The following AMPH variants were observed in gnomAD, a reference collection of about 807,000 sequenced individuals.
AMPH encodes the protein amphiphysin (Stiff-Mann syndrome with breast cancer 128kD autoantigen).
In AMPH, 49 loss-of-function variants were observed where a neutral mutation model predicts 99.1. The observed-to-expected ratio is 0.49, with a 90% confidence interval of 0.39 to 0.63. The LOEUF is 0.63. Among genes scored for constraint, AMPH ranks in the 20% least tolerant of loss-of-function variants. The pLI is 0.00. For missense variants in AMPH, 759 were observed against 863.4 expected, an observed-to-expected ratio of 0.88 and a Z score of 1.52; for synonymous variants, 314 against 317.3, an observed-to-expected ratio of 0.99 and a Z score of 0.11.
chr7:38,623,801 G>T (rs527456707), intron 1 of AMPH, among the ~76,000 whole-genome samples: 1 of 152,266 alleles, frequency 6.6e-6, no homozygotes, highest in South Asian at 2.1e-4. Context: ...CATCGGCAAA[G>T]CGACAATCGA....
intron 17 of AMPH, among the ~76,000 whole-genome samples, chr7:38,399,409 T>G (rs747237573): frequency 3.3e-5 from 5 of 152,210 alleles, no homozygotes; most frequent in Non-Finnish European, 5.9e-5. Flanking sequence ...ATACTTCCAA[T>G]GCCGTATTTA....
At chr7:38,429,958 G>A in intron 13 of AMPH, 93 bp from the exon 14 acceptor site, 2 of 1,195,998 alleles carry the variant, frequency 1.7e-6, no homozygotes, top group Non-Finnish European at 1.2e-6. Context: ...ACATTCTGCT[G>A]AAGGCTATAG....
At chr7:38,516,226 A>G (rs1409414944) in intron 2 of AMPH, among the ~76,000 whole-genome samples, 1 of 152,178 alleles carries the variant, frequency 6.6e-6, no homozygotes, top group African/African-American at 2.4e-5. Context: ...ATTTTTTTTC[A>G]GAGACCTTCT....
rs111548713 is a variant in AMPH, at chr7:38,437,356, T to G, written c.1018-968A>C. On this transcript the variant is annotated intron_variant, in intron 11 of 20. Coordinates refer to ENST00000356264, the MANE Select transcript of AMPH (RefSeq NM_001635.4). ...TATAAAATTCTTTTTAAAAAAACTT[T>G]GTTGCCTAGAAATTGAAACGTCAAA... 6.6e-3 allele frequency among the ~76,000 whole-genome samples: 1,001 copies of G among 152,230 alleles called. 13 individuals carry two copies. Among genetic ancestry groups the G allele is most frequent in the Admixed American group, 0.01 (160 of 15,296 alleles).
intron 1 of AMPH, among the ~76,000 whole-genome samples, chr7:38,547,525 G>C (rs1475761531): frequency 6.6e-6 from 1 of 152,116 alleles, no homozygotes; most frequent in African/African-American, 2.4e-5. Context: ...AGTTGACAAA[G>C]GATAATTATT....
At chr7:38,584,009 C>G (rs1260929772) in intron 1 of AMPH, among the ~76,000 whole-genome samples, 1 of 152,162 alleles carries the variant, frequency 6.6e-6, no homozygotes, top group Non-Finnish European at 1.5e-5. Context: ...ATTTGATTAG[C>G]AACAATCTAA....
At chr7:38,546,716 T>C (rs866137221) in intron 1 of AMPH, among the ~76,000 whole-genome samples, 3 of 152,210 alleles carry the variant, frequency 2.0e-5, no homozygotes, top group Admixed American at 6.5e-5. Context: ...GTGGGAAGGA[T>C]AGAATTCTAT....
In AMPH at chr7:38,439,463, A is replaced by G. The variant is rs192379285; in HGVS notation, c.1018-3075T>C. 3.2e-3 allele frequency among the ~76,000 whole-genome samples: 489 copies of G among 152,342 alleles called. 3 individuals are homozygous for G. Among genetic ancestry groups the G allele is most frequent in the Non-Finnish European group, 5.5e-3 (373 of 68,020 alleles). On this transcript the variant is annotated intron_variant, in intron 11 of 20. Coordinates refer to ENST00000356264, the MANE Select transcript of AMPH (RefSeq NM_001635.4). ...TTCTGGTAAAGCTACAAACATAGCA[A>G]AAGGATTTTGCCAGCTTATATAGTA...
Position 38,525,258 on chromosome 7 carries a change from G to GTATATATATATATATA in AMPH, c.150+9657_150+9672dup, listed in dbSNP as rs141925117. The stretch of plus-strand genomic sequence containing the variant: ...TATATATGTAGTTGTGTGTGTGTGT[G>GTATATATATATATATA]TATATATATATATATATATAGAGAG... On this transcript the variant is annotated intron_variant, in intron 2 of 20. Coordinates refer to ENST00000356264, the MANE Select transcript of AMPH (RefSeq NM_001635.4). Among the ~76,000 whole-genome samples, 85 of 111,156 alleles carry GTATATATATATATATA rather than the reference G, an allele frequency of 7.6e-4. 1 individual carries two copies. The highest frequency in any genetic ancestry group is 1.1e-3 in the Non-Finnish European group (65 of 59,166). 72.9% of individuals were successfully genotyped at this position (111,156 alleles called of 152,430 possible).
At chr7:38,432,861 G>A (rs1786088968) in intron 12 of AMPH, among the ~76,000 whole-genome samples, 1 of 152,144 alleles carries the variant, frequency 6.6e-6, no homozygotes, top group Non-Finnish European at 1.5e-5. Flanking sequence ...CACCCCCTAA[G>A]ACATGAATGA....
chr7:38,418,575 AG>A (rs1785471879), intron 16 of AMPH, among the ~76,000 whole-genome samples: 1 of 152,274 alleles, frequency 6.6e-6, no homozygotes, highest in South Asian at 2.1e-4. Flanking sequence ...TGGGAAGAAC[AG>A]AATCAGCTAC....
chr7:38,469,243 G>A (rs1031167921), intron 7 of AMPH, among the ~76,000 whole-genome samples: 1 of 148,362 alleles, frequency 6.7e-6, no homozygotes, highest in African/African-American at 2.5e-5. Context: ...GATATTATCT[G>A]CTTAAAAGTT....
At chr7:38,614,076 A>G (rs1283051669) in intron 1 of AMPH, among the ~76,000 whole-genome samples, 1 of 152,210 alleles carries the variant, frequency 6.6e-6, no homozygotes, top group Non-Finnish European at 1.5e-5. Context: ...CTCTCCCCTT[A>G]GGATCAAGAC....
At chr7:38,597,496 G>T (rs1462735170) in intron 1 of AMPH, among the ~76,000 whole-genome samples, 2 of 152,148 alleles carry the variant, frequency 1.3e-5, no homozygotes, top group Non-Finnish European at 2.9e-5. Context: ...TAATTCAAGA[G>T]ATATGCTCTG....
intron 12 of AMPH, among the ~76,000 whole-genome samples, chr7:38,432,781 G>T (rs1252250501): frequency 6.6e-6 from 1 of 152,112 alleles, no homozygotes. Flanking sequence ...CAGAAAAATA[G>T]TTCTTCAATA....
At chr7:38,626,969 T>A (rs1794270161) in intron 1 of AMPH, among the ~76,000 whole-genome samples, 1 of 152,222 alleles carries the variant, frequency 6.6e-6, no homozygotes. Flanking sequence ...AAACCTGGGA[T>A]GGAGAAGGTC....
chr7:38,475,371 T>C lies in AMPH; in HGVS notation c.550A>G (p.Asn184Asp). ...QKAQKVFEEF[N>D]VDLQEELPSL... is the part of the protein sequence containing the mutation. The stretch of plus-strand genomic sequence containing the variant: ...GGTAACTCTTCTTGTAAGTCAACGT[T>C]AAACTCTTCAAACACTTTCTGTGCT... Residue 184 changes from asparagine to aspartate, a missense_variant, in exon 7 of 21, where the codon AAC (asparagine) becomes GAC (aspartate). Physicochemically the swap from Asn to Asp is conservative, Grantham distance 23. Transcript: ENST00000356264. 6.2e-7 allele frequency: 1 copy of C among 1,613,406 alleles called. No individual in the cohort carries two copies. The highest frequency in any genetic ancestry group is 8.5e-7 in the Non-Finnish European group (1 of 1,179,626).
At chr7:38,631,164 GC>G in intron 1 of AMPH, 118 bp downstream of exon 1, 1 of 913,866 alleles carries the variant, frequency 1.1e-6, no homozygotes, top group Non-Finnish European at 1.4e-6. Flanking sequence ...CCTGGCCCCG[GC>G]CCCGCTCCGC....
At chr7:38,534,751 A>G (rs987890938) in intron 2 of AMPH, among the ~76,000 whole-genome samples, 180 bp downstream of exon 2, 3 of 152,078 alleles carry the variant, frequency 2.0e-5, no homozygotes, top group African/African-American at 4.8e-5. Flanking sequence ...TCCAAAACCT[A>G]CTCTCTATGG....
Sources: allele counts gnomAD v4.1 joint callset (sites outside exome capture counted in the v4.1 genomes callset), GRCh38; gene constraint gnomAD v4.1.1; transcripts MANE v1.5; gene names NCBI Gene and HGNC (gene_info 2026-07-23, HGNC 2026-07-21).